Variants in MAOB observed in about 807,000 individuals in gnomAD.
MAOB encodes monoamine oxidase B.
Under a neutral mutation model 41.9 loss-of-function variants are expected in MAOB, and 15 were observed. That is an observed-to-expected ratio of 0.36 (90% CI 0.24 to 0.55). The LOEUF is 0.55. Among genes scored for constraint, MAOB ranks in the 20% least tolerant of loss-of-function variants. The pLI is 0.86. For missense variants in MAOB, 345 were observed against 398.7 expected, an observed-to-expected ratio of 0.87 and a Z score of 1.15; for synonymous variants, 167 against 144.2, an observed-to-expected ratio of 1.16 and a Z score of -1.13.
chrX:43,857,158 GAGAGAGAA>G, intron 1 of MAOB, among the ~76,000 whole-genome samples: 1 of 57,558 alleles, frequency 1.7e-5, no homozygotes, highest in Non-Finnish European at 3.0e-5. Flanking sequence ...GAGAGAGAGA[GAGAGAGAA>G]GAAGAGAGAG....
intron 12 of MAOB, among the ~76,000 whole-genome samples, chrX:43,773,916 A>G (rs921176382): frequency 3.6e-5 from 4 of 112,065 alleles, no homozygotes; most frequent in African/African-American, 1.3e-4. Context: ...GTGTGAAAAT[A>G]GAGTAACACA....
intron 1 of MAOB, among the ~76,000 whole-genome samples, chrX:43,859,483 C>T (rs1039365152): frequency 3.6e-5 from 4 of 111,487 alleles, no homozygotes; most frequent in African/African-American, 6.5e-5. Context: ...TGACACCATC[C>T]GACCTCCATC....
At position 43,880,169 on chromosome X, in the gene MAOB, T is replaced by C. The variant is rs2035464426; in HGVS notation, c.46+2085A>G. ...CAATGGCCCTGTATAAATCATCTTT[T>C]ATTTCTTTTGGGACAAAATGTGGAA... On this transcript the variant is annotated intron_variant, in intron 1 of 14. Coordinates refer to ENST00000378069, the MANE Select transcript of MAOB (RefSeq NM_000898.5). Among the ~76,000 whole-genome samples the C allele has an allele frequency of 1.8e-5, 2 of 112,395 alleles. 1 individual carries two copies. The highest frequency in any genetic ancestry group is 3.7e-5 in the Non-Finnish European group (2 of 53,341).
intron 3 of MAOB, among the ~76,000 whole-genome samples, chrX:43,807,313 G>A (rs1322482263): frequency 8.9e-6 from 1 of 111,795 alleles, no homozygotes; most frequent in Non-Finnish European, 1.9e-5. Context: ...TTACTTAATC[G>A]TCCAGGCCCC....
At chrX:43,793,297 A>T (rs1055101522) in intron 8 of MAOB, 122 bp downstream of exon 8, 2 of 504,191 alleles carry the variant, frequency 4.0e-6, no homozygotes, top group African/African-American at 4.9e-5. Context: ...ATATCCATGT[A>T]ACAAATCTGC....
At chrX:43,781,000 C>T (rs990162193) in intron 9 of MAOB, among the ~76,000 whole-genome samples, 2 of 111,133 alleles carry the variant, frequency 1.8e-5, no homozygotes, top group Admixed American at 9.6e-5. Flanking sequence ...ACGTGCTGGT[C>T]GTCCCTGGAA....
At chrX:43,813,645 T>C (rs1380558980) in intron 3 of MAOB, among the ~76,000 whole-genome samples, 1 of 111,779 alleles carries the variant, frequency 8.9e-6, no homozygotes, top group Non-Finnish European at 1.9e-5. Context: ...TTTGTGGCTG[T>C]CCCTCCTGTT....
At chrX:43,810,592 T>C (rs1167381339) in intron 3 of MAOB, among the ~76,000 whole-genome samples, 1 of 110,474 alleles carries the variant, frequency 9.1e-6, no homozygotes, top group East Asian at 2.8e-4. Flanking sequence ...AAACTTAAAG[T>C]ATAATAATAA....
chrX:43,806,223 A>T lies in MAOB; in HGVS notation c.280-2819T>A, dbSNP rs1315730533. Among the ~76,000 whole-genome samples the T allele has an allele frequency of 2.7e-5, 3 of 111,525 alleles. No individual in the cohort carries two copies. The East Asian group carries it at 8.5e-4, about 32-fold the overall frequency. On this transcript the variant is annotated intron_variant, in intron 3 of 14. Transcript: ENST00000378069. ...TTGGATTTCACCCATTTATCCACTA[A>T]CCATCCTTTTTCTGTTGCAGGATCC...
intron 3 of MAOB, among the ~76,000 whole-genome samples, chrX:43,817,138 T>TGC (rs1399036142): frequency 1.9e-5 from 2 of 105,051 alleles, no homozygotes; most frequent in Non-Finnish European, 3.9e-5. Context: ...TCTTCTTCTT[T>TGC]TCTCTCTCTC....
At chrX:43,876,957 A>G (rs1196451990) in intron 1 of MAOB, among the ~76,000 whole-genome samples, 1 of 112,394 alleles carries the variant, frequency 8.9e-6, no homozygotes, top group African/African-American at 3.2e-5. Flanking sequence ...ACTAGTTGCT[A>G]GTGGACATTT....
In MAOB at chrX:43,844,056, G is replaced by A. The variant is rs765155787; in HGVS notation, c.47-292C>T. Reference sequence around the variant, plus strand: ...ATTGCATGTCTGATAACATAAATGAGAACACAAGGCCATGCTCAAGAGAAA... The same window carrying A: ...ATTGCATGTCTGATAACATAAATGAAAACACAAGGCCATGCTCAAGAGAAA... On this transcript the variant is annotated intron_variant, in intron 1 of 14. Coordinates refer to ENST00000378069, the MANE Select transcript of MAOB (RefSeq NM_000898.5). 11 of 405,130 alleles carry A rather than the reference G, an allele frequency of 2.7e-5. No homozygotes were observed. In the African/African-American group the frequency reaches 2.9e-4, roughly 11 times the overall value. The allele number at this position is 405,130 out of a possible 1,213,427, so 33.4% of individuals were successfully genotyped here. A position where few individuals can be genotyped will look rare whatever the true frequency, so the allele number is the denominator to read the frequency against.
chrX:43,799,669 A>T (rs1569215884), intron 5 of MAOB, among the ~76,000 whole-genome samples: 1 of 111,709 alleles, frequency 9.0e-6, no homozygotes, highest in Non-Finnish European at 1.9e-5. Context: ...AGGTCAAGGA[A>T]GTTAGTGCAA....
At chrX:43,835,205 GT>G (rs1252250205) in intron 3 of MAOB, among the ~76,000 whole-genome samples, 2 of 112,223 alleles carry the variant, frequency 1.8e-5, no homozygotes, top group Admixed American at 1.9e-4. Context: ...TCCTTAAGAA[GT>G]TTTTGTTTTT....
chrX:43,880,353 T>C (rs2035465671), intron 1 of MAOB, among the ~76,000 whole-genome samples: 1 of 112,135 alleles, frequency 8.9e-6, no homozygotes, highest in Admixed American at 9.4e-5. Context: ...CATTTTTGAA[T>C]CCCCTACACA....
At chrX:43,808,528 G>A (rs1423346973) in intron 3 of MAOB, among the ~76,000 whole-genome samples, 1 of 110,830 alleles carries the variant, frequency 9.0e-6, no homozygotes, top group Admixed American at 9.7e-5. Flanking sequence ...CTGACACATG[G>A]GACTTGGCCT....
intron 1 of MAOB, among the ~76,000 whole-genome samples, chrX:43,874,765 C>G (rs924342839): frequency 6.3e-5 from 7 of 111,761 alleles, no homozygotes; most frequent in African/African-American, 2.3e-4. Context: ...CCCTCCCAAA[C>G]CTGGACTGTT....
Position 43,769,286 on chromosome X carries a change from A to C in MAOB, c.1347+21T>G, listed in dbSNP as rs752197737. ...ACCATGAGTTGCCTCCTTCCCCATAATCTATGACCCCAGACCCTACCTCTC... is the reference window on the plus strand; with the variant it reads ...ACCATGAGTTGCCTCCTTCCCCATACTCTATGACCCCAGACCCTACCTCTC... On this transcript the variant is annotated intron_variant, in intron 13 of 14. Coordinates refer to ENST00000378069, the MANE Select transcript of MAOB (RefSeq NM_000898.5). 1.2e-5 allele frequency: 14 copies of C among 1,162,382 alleles called. No individual in the cohort carries two copies. The South Asian group carries it at 2.7e-4, about 22-fold the overall frequency.
At chrX:43,787,226 T>C (rs1023281856) in intron 8 of MAOB, among the ~76,000 whole-genome samples, 1 of 111,185 alleles carries the variant, frequency 9.0e-6, no homozygotes, top group African/African-American at 3.3e-5. Context: ...CAAAGAGGCA[T>C]GTTCAGAATA....
Sources: allele counts gnomAD v4.1 joint callset (sites outside exome capture counted in the v4.1 genomes callset), GRCh38; gene constraint gnomAD v4.1.1; transcripts MANE v1.5; gene names NCBI Gene and HGNC (gene_info 2026-07-23, HGNC 2026-07-21).